The following SPG7 variants were observed in gnomAD, a reference collection of about 807,000 sequenced individuals.
The protein encoded by SPG7 is mitochondrial inner membrane m-AAA protease component paraplegin.
Under a neutral mutation model 81.9 loss-of-function variants are expected in SPG7, and 103 were observed. The observed-to-expected ratio is 1.26, with a 90% CI of 1.07 to 1.48. SPG7 has a LOEUF of 1.48. Ranked by LOEUF, SPG7 falls within the 40% of genes most tolerant of loss-of-function variation. SPG7 has a pLI of 0.00. For synonymous variants in SPG7, 534 were observed against 444.2 expected (o/e 1.20, Z -2.54); for missense variants, 1,241 against 1,087.3 (o/e 1.14, Z -1.99).
intron 9 of SPG7, chr16:89,536,629 G>A (rs560159307): frequency 6.0e-6 from 6 of 1,005,300 alleles, no homozygotes; most frequent in African/African-American, 3.2e-5. Context: ...GGGTGAGGGC[G>A]GGTGAGGCGG....
chr16:89,530,472 G>A (rs1382147464), intron 6 of SPG7: 1 of 633,806 alleles, frequency 1.6e-6, no homozygotes, highest in African/African-American at 1.8e-5. Context: ...CAAATTGCTA[G>A]ATAAGTTTCT....
At chr16:89,546,454 G>A in intron 10 of SPG7, 1 of 563,710 alleles carries the variant, frequency 1.8e-6, no homozygotes, top group Non-Finnish European at 3.3e-6. Context: ...GAGGCAGGTG[G>A]ATCACTTGAA....
At chr16:89,531,196 C>G (rs539271232) in intron 7 of SPG7, 1 of 357,124 alleles carries the variant, frequency 2.8e-6, no homozygotes, top group Admixed American at 3.8e-5. Flanking sequence ...GTGGGTCGCA[C>G]CTGTAGTCCT....
chr16:89,529,832 C>T, intron 6 of SPG7: 1 of 538,986 alleles, frequency 1.9e-6, no homozygotes, highest in South Asian at 2.1e-5. Flanking sequence ...GCAGTTGAAT[C>T]TGCGTTTTTC....
intron 15 of SPG7, 154 bp from the exon 16 acceptor site, chr16:89,554,332 G>C: frequency 1.4e-6 from 1 of 692,776 alleles, no homozygotes; most frequent in East Asian, 2.7e-5. Flanking sequence ...TCCTGGCACT[G>C]GTCACAGGGG....
chr16:89,509,172 A>G (rs1336874641), intron 1 of SPG7, among the ~76,000 whole-genome samples: 1 of 151,972 alleles, frequency 6.6e-6, no homozygotes, highest in Non-Finnish European at 1.5e-5. Flanking sequence ...CGAAAACCAG[A>G]CCTTGTGTCC....
intron 11 of SPG7, chr16:89,547,039 G>A (rs1269301189): frequency 1.2e-5 from 5 of 425,220 alleles, no homozygotes; most frequent in African/African-American, 1.0e-4. Context: ...CTTCCACACA[G>A]TGACCAGTCA....
At chr16:89,525,155 A>T (rs968282356) in intron 4 of SPG7, among the ~76,000 whole-genome samples, 2 of 151,336 alleles carry the variant, frequency 1.3e-5, no homozygotes, top group Non-Finnish European at 3.0e-5. Flanking sequence ...TTTTGGAGAG[A>T]TGAGGTCTCA....
At chr16:89,545,641 AGCTTCTCCAGGGGACACG>A (rs1316712524) in intron 10 of SPG7, 7 of 241,550 alleles carry the variant, frequency 2.9e-5, no homozygotes, top group South Asian at 1.1e-4. Flanking sequence ...AGGGGATGGC[AGCTTCTCCAGGGGACACG>A]GCTTCTCCAG....
intron 2 of SPG7, among the ~76,000 whole-genome samples, chr16:89,512,025 C>T (rs2058030269): frequency 6.6e-6 from 1 of 151,998 alleles, no homozygotes; most frequent in Non-Finnish European, 1.5e-5. Context: ...CATTCTCCTG[C>T]CTCAGCCTCC....
chr16:89,552,009 C>T (rs961427504), intron 13 of SPG7: 2 of 152,196 alleles, frequency 1.3e-5, no homozygotes, highest in Non-Finnish European at 2.9e-5. Flanking sequence ...TGTGAATTGG[C>T]TGTTATGGTT....
chr16:89,533,457 G>C (rs898423993), intron 9 of SPG7: 1 of 152,208 alleles, frequency 6.6e-6, no homozygotes, highest in Non-Finnish European at 1.5e-5. Flanking sequence ...GTGAGCCTTA[G>C]CACCCAGGCT....
At chr16:89,527,748 T>C (rs1226031414) in intron 5 of SPG7, among the ~76,000 whole-genome samples, 1 of 152,176 alleles carries the variant, frequency 6.6e-6, no homozygotes, top group Non-Finnish European at 1.5e-5. Context: ...TATTGTTGAC[T>C]TGTAATCTCT....
At chr16:89,536,385 G>A (rs1449217371) in intron 9 of SPG7, among the ~76,000 whole-genome samples, 2 of 152,174 alleles carry the variant, frequency 1.3e-5, no homozygotes, top group Non-Finnish European at 2.9e-5. Flanking sequence ...AGGATGGGTG[G>A]GTGGTTTGGG....
intron 3 of SPG7, among the ~76,000 whole-genome samples, chr16:89,513,908 A>G (rs1555609680): frequency 2.6e-5 from 4 of 152,154 alleles, no homozygotes; most frequent in Non-Finnish European, 1.5e-5. Context: ...TGGTTCAGCT[A>G]TTGGATGAGG....
chr16:89,541,503 G>C (rs2058496035), intron 9 of SPG7: 1 of 199,390 alleles, frequency 5.0e-6, no homozygotes, highest in Non-Finnish European at 9.0e-6. Context: ...TCTGTGTCTT[G>C]AGGGGAGATG....
chr16:89,514,600 A>T (rs967230890), intron 3 of SPG7: 1 of 151,976 alleles, frequency 6.6e-6, no homozygotes, highest in Non-Finnish European at 1.5e-5. Context: ...TCCTGGGTTC[A>T]TGCCATTCTC....
chr16:89,544,945 C>T lies in SPG7; in HGVS notation c.1449+173C>T, dbSNP rs1246794327. The T allele has an allele frequency of 4.0e-6, 3 of 749,334 alleles. No individual in the cohort carries two copies. In the African/African-American group the frequency reaches 5.2e-5, roughly 13 times the overall value. 46.4% of individuals were successfully genotyped at this position (749,334 alleles called of 1,614,324 possible). On this transcript the variant is annotated intron_variant, in intron 10 of 16. Transcript: ENST00000645818. ...CGGCTGCACGCCCCCAGCAGACCTGCCCACCGGCTGCACTCACTGCTGTGG... is the reference window on the plus strand; with the variant it reads ...CGGCTGCACGCCCCCAGCAGACCTGTCCACCGGCTGCACTCACTGCTGTGG...
chr16:89,508,736 C>G, intron 1 of SPG7, 136 bp downstream of exon 1: 4 of 962,392 alleles, frequency 4.2e-6, no homozygotes, highest in Non-Finnish European at 6.4e-6. Flanking sequence ...GATCCCCCAG[C>G]TGTGGACCTC....
Sources: gnomAD v4.1 joint callset for allele counts (sites outside exome capture counted in the v4.1 genomes callset) on GRCh38, gnomAD v4.1.1 for gene constraint, MANE v1.5 for transcripts, NCBI Gene and HGNC (gene_info 2026-07-23, HGNC 2026-07-21) for gene names.